The following ROBO1 variants were observed in gnomAD, a reference collection of about 807,000 sequenced individuals.
ROBO1 encodes the protein roundabout homolog 1.
Under a neutral mutation model 195.9 loss-of-function variants are expected in ROBO1, and 149 were observed. The ratio of observed to expected loss-of-function variants is 0.76; its 90% CI spans 0.67 to 0.87. The LOEUF is 0.87. ROBO1 is among the 40% of genes least tolerant of loss of function. ROBO1 has a pLI of 0.00. For missense variants in ROBO1, 1,933 were observed against 2,068.3 expected (o/e 0.93, Z 1.27); for synonymous variants, 816 against 733.2 (o/e 1.11, Z -1.82).
chr3:79,188,388 G>A (rs1271378681), intron 2 of ROBO1, among the ~76,000 whole-genome samples: 2 of 151,676 alleles, frequency 1.3e-5, no homozygotes, highest in East Asian at 3.9e-4. Flanking sequence ...TACTATAATA[G>A]TAATATATCA....
intron 4 of ROBO1, among the ~76,000 whole-genome samples, chr3:78,837,380 T>G (rs112624932): frequency 0.033 from 4,957 of 152,218 alleles, 212 homozygotes; most frequent in African/African-American, 0.1. Context: ...GACTTTTGTT[T>G]AATATATATT....
chr3:79,054,810 G>A (rs1458188125), intron 3 of ROBO1, among the ~76,000 whole-genome samples: 2 of 152,126 alleles, frequency 1.3e-5, no homozygotes, highest in Non-Finnish European at 2.9e-5. Flanking sequence ...AGGGAAATGG[G>A]AAGTGGGGCC....
chr3:78,724,672 ACT>A (rs1261391589), intron 5 of ROBO1, among the ~76,000 whole-genome samples: 1 of 152,006 alleles, frequency 6.6e-6, no homozygotes. Context: ...ACAGAGTGAG[ACT>A]CTGTCACACA....
chr3:78,711,398 CCTTTCTTTCTTTCTTTCTTT>C (rs1235633066), intron 8 of ROBO1, among the ~76,000 whole-genome samples: 3 of 39,888 alleles, frequency 7.5e-5, no homozygotes, highest in African/African-American at 1.4e-4. Context: ...TTCCTTCCTT[CCTTTCTTTCTTTCTTTCTTT>C]CTTTCTTTCT....
rs542419052 is a variant in ROBO1 at position 79,687,075 on chromosome 3, CG to C, written c.-51+80676del. On this transcript the variant is annotated intron_variant, in intron 1 of 30. Coordinates refer to ENST00000464233, the MANE Select transcript of ROBO1 (RefSeq NM_002941.4). ...AGAAATAATGCCGCTTATCTACAAC[CG>C]TCTGATCTTTGACAAACCTGAGAAA... Among the ~76,000 whole-genome samples the C allele has an allele frequency of 2.3e-4, 35 of 152,174 alleles. No homozygotes were observed. The South Asian group carries it at 5.4e-3, about 23-fold the overall frequency.
At chr3:79,509,559 G>T (rs1226041213) in intron 2 of ROBO1, among the ~76,000 whole-genome samples, 1 of 152,126 alleles carries the variant, frequency 6.6e-6, no homozygotes. Flanking sequence ...CTTAATACAT[G>T]TGTCAATGTG....
chr3:78,689,207 G>A (rs1365797865), intron 8 of ROBO1, among the ~76,000 whole-genome samples: 3 of 152,096 alleles, frequency 2.0e-5, no homozygotes, highest in Non-Finnish European at 4.4e-5. Flanking sequence ...ATGCTACCAT[G>A]CAAATTATAA....
chr3:79,647,151 A>G (rs1260073408), intron 1 of ROBO1, among the ~76,000 whole-genome samples: 1 of 152,128 alleles, frequency 6.6e-6, no homozygotes, highest in Non-Finnish European at 1.5e-5. Flanking sequence ...GATCTTTACA[A>G]ATTATATGAA....
chr3:78,938,856 C>G lies in ROBO1; in HGVS notation c.244G>C (p.Gly82Arg). Residue 82 changes from glycine to arginine, a missense_variant, in exon 4 of 31, where the codon GGA becomes CGA. Physicochemically the swap from Gly to Arg is moderately radical, Grantham distance 125 (BLOSUM62 -2). Transcript: ENST00000464233. ...EHPSDLIVSK[G>R]EPATLNCKAE... ...TTGCAGTTCAAAGTTGCAGGTTCTC[C>G]TTTTGAGACAATCAGGTCTGAAGGG... The G allele has an allele frequency of 6.2e-7, 1 of 1,613,964 alleles. No individual in the cohort carries two copies. The highest frequency in any genetic ancestry group is 8.5e-7 in the Non-Finnish European group (1 of 1,179,892).
intron 14 of ROBO1, among the ~76,000 whole-genome samples, chr3:78,666,612 C>A (rs990096890): frequency 1.3e-5 from 2 of 152,302 alleles, no homozygotes; most frequent in Middle Eastern, 3.4e-3. Flanking sequence ...TATAGTAAAG[C>A]TCCTGGAGAG....
In ROBO1 at chr3:78,627,328, C is replaced by A. The variant is rs761586528; in HGVS notation, c.3868G>T (p.Asp1290Tyr). 2.5e-6 allele frequency: 4 copies of A among 1,611,630 alleles called. No individual in the cohort carries two copies. The highest frequency in any genetic ancestry group is 2.2e-5 in the East Asian group (1 of 44,724). The change falls in exon 26 of 31, where the codon GAC becomes TAC. Residue 1290 changes from aspartate (D) to tyrosine (Y), a missense_variant. Coordinates refer to ENST00000464233, the MANE Select transcript of ROBO1 (RefSeq NM_002941.4). ...EETGHMQHQPDRRRQPVSPPP... is the reference protein window; with the variant it reads ...EETGHMQHQPYRRRQPVSPPP... ...AGGCTAGTGACAACATACCTCCTGT[C>A]GGGCTGGTGCTGCATGTGGCCAGTC... is the stretch of plus-strand genomic sequence containing the variant.
intron 3 of ROBO1, among the ~76,000 whole-genome samples, chr3:78,960,304 A>G (rs1415156058): frequency 2.0e-5 from 3 of 151,062 alleles, no homozygotes; most frequent in Non-Finnish European, 4.4e-5. Context: ...AATATGTAAT[A>G]TAGCAATATA....
intron 4 of ROBO1, among the ~76,000 whole-genome samples, chr3:78,911,011 G>A (rs1375729515): frequency 6.6e-6 from 1 of 151,958 alleles, no homozygotes; most frequent in Non-Finnish European, 1.5e-5. Flanking sequence ...ACGCACTAAA[G>A]TTTAAGGGCT....
At chr3:79,182,640 G>A (rs1342304799) in intron 2 of ROBO1, among the ~76,000 whole-genome samples, 1 of 152,052 alleles carries the variant, frequency 6.6e-6, no homozygotes, top group African/African-American at 2.4e-5. Context: ...GTTTAGGGGT[G>A]TAAAGGGGCT....
At chr3:79,651,052 T>A (rs1344613213) in intron 1 of ROBO1, among the ~76,000 whole-genome samples, 2 of 152,084 alleles carry the variant, frequency 1.3e-5, no homozygotes, top group Non-Finnish European at 2.9e-5. Flanking sequence ...GAAAATGTAG[T>A]CTATAAATGG....
At chr3:79,403,479 A>C (rs114860047) in intron 2 of ROBO1, among the ~76,000 whole-genome samples, 1 of 152,124 alleles carries the variant, frequency 6.6e-6, no homozygotes, top group Non-Finnish European at 1.5e-5. Context: ...CTAACACATA[A>C]ATTTTTAACA....
At chr3:78,614,514 T>C in intron 28 of ROBO1, 134 bp downstream of exon 28, 2 of 947,038 alleles carry the variant, frequency 2.1e-6, no homozygotes, top group East Asian at 2.7e-5. Context: ...GTCGCTTCTA[T>C]AAGTAATATG....
At chr3:79,477,927 ACAAT>A (rs911950527) in intron 2 of ROBO1, among the ~76,000 whole-genome samples, 9 of 152,178 alleles carry the variant, frequency 5.9e-5, no homozygotes, top group African/African-American at 9.7e-5. Context: ...AGCAAATTAA[ACAAT>A]CAATCTATAT....
intron 4 of ROBO1, among the ~76,000 whole-genome samples, chr3:78,861,212 G>A (rs1265215676): frequency 6.6e-6 from 1 of 151,992 alleles, no homozygotes; most frequent in Non-Finnish European, 1.5e-5. Context: ...CATAATCTTG[G>A]AATAATGGCC....
Sources: allele counts gnomAD v4.1 joint callset (sites outside exome capture counted in the v4.1 genomes callset), GRCh38; gene constraint gnomAD v4.1.1; transcripts MANE v1.5; gene names NCBI Gene and HGNC (gene_info 2026-07-23, HGNC 2026-07-21).